DTHD1: variants seen among roughly 807,000 people sequenced by gnomAD.
DTHD1 encodes the protein death domain-containing protein 1.
In DTHD1, 59 loss-of-function variants were observed where a neutral mutation model predicts 74.8. That is an observed-to-expected ratio of 0.79 (90% CI 0.64 to 0.98). DTHD1 has a LOEUF of 0.98. DTHD1 is among the 50% of genes least tolerant of loss of function. The probability of loss-of-function intolerance (pLI) is 0.00; values close to 1 mark genes in which losing one functional copy is unlikely to be tolerated. For synonymous variants in DTHD1, 365 were observed against 371.1 expected (o/e 0.98, Z 0.19); for missense variants, 1,051 against 1,065.4 (o/e 0.99, Z 0.19).
At chr4:36,300,750 A>T (rs1162672267) in intron 5 of DTHD1, among the ~76,000 whole-genome samples, 1 of 152,220 alleles carries the variant, frequency 6.6e-6, no homozygotes, top group East Asian at 1.9e-4. Flanking sequence ...CACACATACT[A>T]CATTTTCCTT....
chr4:36,330,426 T>G (rs913392719), intron 8 of DTHD1, among the ~76,000 whole-genome samples: 1 of 152,170 alleles, frequency 6.6e-6, no homozygotes, highest in Non-Finnish European at 1.5e-5. Context: ...AATTTTATCT[T>G]TCTAAATTTG....
At chr4:36,316,598 T>C in intron 8 of DTHD1, 112 bp downstream of exon 8, 2 of 1,124,866 alleles carry the variant, frequency 1.8e-6, no homozygotes, top group South Asian at 1.7e-5. Context: ...AAGGTAAGAA[T>C]AGAGGTAATA....
chr4:36,293,859 A>C (rs1756235350), intron 4 of DTHD1, among the ~76,000 whole-genome samples, 154 bp downstream of exon 4: 1 of 152,180 alleles, frequency 6.6e-6, no homozygotes, highest in African/African-American at 2.4e-5. Context: ...TGATATCAGC[A>C]ATAATGTAAT....
In DTHD1 at chr4:36,313,690, G is replaced by C. The variant is rs6840399; in HGVS notation, c.2096-2552G>C. On this transcript the variant is annotated intron_variant, in intron 7 of 9. Transcript: ENST00000639862. ...CTAGAGGTCTTTAGTTTTAAAAATT[G>C]GTATACATTTTAGGTCTCAATTGAA... 4.4e-3 allele frequency among the ~76,000 whole-genome samples: 670 copies of C among 152,202 alleles called. 2 individuals carry two copies. The highest frequency in any genetic ancestry group is 0.016 in the African/African-American group (649 of 41,524).
In DTHD1 at chr4:36,346,741, A is replaced by G. The variant is rs1759607582; in HGVS notation, c.*2917A>G. ...CAGACAGGAGGAAGGAGAGTGAATT[A>G]TACCATTCCCCTTTTCCTCCCTGTG... On this transcript the variant is annotated 3_prime_UTR_variant, in exon 10 of 10. Transcript: ENST00000639862. Among the ~76,000 whole-genome samples the G allele has an allele frequency of 1.3e-5, 2 of 152,072 alleles. No individual in the cohort carries two copies. Among genetic ancestry groups the G allele is most frequent in the Admixed American group, 6.6e-5 (1 of 15,264 alleles).
Position 36,284,306 on chromosome 4 carries a change from T to C in DTHD1, c.602T>C (p.Val201Ala), listed in dbSNP as rs1755573220. The C allele has an allele frequency of 9.1e-6, 14 of 1,537,016 alleles. No individual in the cohort carries two copies. Among genetic ancestry groups the C allele is most frequent in the Non-Finnish European group, 1.2e-5 (14 of 1,146,862 alleles). ...KENNTSLNGR[V>A]LGQEESQNKM... ...AACAATACATCACTGAATGGACGTG[T>C]ACTGGGGCAAGAAGAGTCACAGAAT... is the stretch of plus-strand genomic sequence containing the variant. Residue 201 changes from valine (V) to alanine (A), a missense_variant, in exon 2 of 10, where the codon GTA (valine) becomes GCA (alanine). Transcript: ENST00000639862.
Position 36,339,120 on chromosome 4 carries a change from A to G in DTHD1, c.2349A>G (p.Lys783=), listed in dbSNP as rs559257913. The change falls in exon 9 of 10, where the codon AAA becomes AAG. Residue 783 remains lysine (K), a synonymous_variant. Coordinates refer to ENST00000639862, the MANE Select transcript of DTHD1 (RefSeq NM_001170700.3). ...KLPLKLPKHK[K]LINRPQSTKR... is the part of the protein sequence containing the mutation. The stretch of plus-strand genomic sequence containing the variant: ...TTCCTTTCCCCCAATAGCATAAGAA[A>G]TTAATCAACCGTCCACAGAGTACCA... The G allele has an allele frequency of 1.4e-5, 22 of 1,547,608 alleles. No homozygotes were observed. The Admixed American group carries it at 4.3e-4, about 31-fold the overall frequency.
chr4:36,326,822 CTG>C (rs1441335358), intron 8 of DTHD1, among the ~76,000 whole-genome samples: 1 of 152,212 alleles, frequency 6.6e-6, no homozygotes, highest in Non-Finnish European at 1.5e-5. Flanking sequence ...ATTTCACACA[CTG>C]TGGCAAGACC....
chr4:36,301,798 CTT>C (rs10718142), intron 5 of DTHD1, among the ~76,000 whole-genome samples: 40 of 149,684 alleles, frequency 2.7e-4, no homozygotes, highest in African/African-American at 7.1e-4. Context: ...TCATCACTCC[CTT>C]TTTTTTTTTC....
intron 8 of DTHD1, among the ~76,000 whole-genome samples, chr4:36,331,482 C>T (rs1156287845): frequency 6.6e-6 from 1 of 152,122 alleles, no homozygotes; most frequent in Non-Finnish European, 1.5e-5. Context: ...TAAAGATACA[C>T]AGAAAAATAC....
In DTHD1 at chr4:36,342,918, CAAAAAAAAA is replaced by C. The variant is rs55956868; in HGVS notation, c.2399-571_2399-563del. 1.1e-3 allele frequency among the ~76,000 whole-genome samples: 108 copies of C among 96,982 alleles called. No homozygotes were observed. The East Asian group carries it at 0.019, about 17-fold the overall frequency. 63.6% of individuals were successfully genotyped at this position (96,982 alleles called of 152,430 possible). ...TGAAACCCCGTCTCTACTAAAAATA[CAAAAAAAAA>C]AAAAAAAAAAAATCCCATCGTGTGG... On this transcript the variant is annotated intron_variant, in intron 9 of 9. Coordinates refer to ENST00000639862, the MANE Select transcript of DTHD1 (RefSeq NM_001170700.3).
intron 8 of DTHD1, among the ~76,000 whole-genome samples, chr4:36,319,213 G>A (rs542557955): frequency 6.6e-6 from 1 of 152,266 alleles, no homozygotes; most frequent in South Asian, 2.1e-4. Context: ...GAAGGACCCT[G>A]TCTATTCTAT....
chr4:36,308,299 G>C lies in DTHD1; in HGVS notation c.1901G>C (p.Cys634Ser). The C allele has an allele frequency of 1.9e-6, 3 of 1,552,022 alleles. No individual in the cohort carries two copies. The highest frequency in any genetic ancestry group is 1.7e-6 in the Non-Finnish European group (2 of 1,147,050). ...LEEAMLSTTACIVLSHQKDNP... is the reference protein window; with the variant it reads ...LEEAMLSTTASIVLSHQKDNP... ...GAAGCCATGCTCAGCACCACTGCCT[G>C]CATAGTACTGTCTCACCAGAAGGAC... The change falls in exon 7 of 10, where the codon TGC becomes TCC. Residue 634 changes from cysteine (C) to serine (S), a missense_variant. Cys to Ser is a moderately radical substitution (Grantham distance 112). Coordinates refer to ENST00000639862, the MANE Select transcript of DTHD1 (RefSeq NM_001170700.3).
At chr4:36,318,713 G>C (rs796874433) in intron 8 of DTHD1, among the ~76,000 whole-genome samples, 240 of 141,508 alleles carry the variant, frequency 1.7e-3, no homozygotes, top group Middle Eastern at 7.7e-3. Context: ...CTCCTGGGTT[G>C]ACGCCATTCT....
chr4:36,296,532 A>G (rs780476869), intron 5 of DTHD1, among the ~76,000 whole-genome samples: 16 of 152,310 alleles, frequency 1.1e-4, no homozygotes, highest in Non-Finnish European at 1.9e-4. Flanking sequence ...GTCTACTTTT[A>G]AGAGCGAGTG....
intron 6 of DTHD1, among the ~76,000 whole-genome samples, chr4:36,307,947 C>A (rs147169897): frequency 6.6e-6 from 1 of 152,114 alleles, no homozygotes; most frequent in Admixed American, 6.5e-5. Context: ...TGGGCTCAAG[C>A]GATCCACCCT....
At chr4:36,300,562 T>C (rs1008520638) in intron 5 of DTHD1, among the ~76,000 whole-genome samples, 5 of 150,896 alleles carry the variant, frequency 3.3e-5, no homozygotes, top group African/African-American at 1.2e-4. Flanking sequence ...AAAAAATTCT[T>C]TTAAAAGTAT....
chr4:36,341,778 T>G (rs1228283589), intron 9 of DTHD1, among the ~76,000 whole-genome samples: 1 of 152,136 alleles, frequency 6.6e-6, no homozygotes, highest in South Asian at 2.1e-4. Flanking sequence ...TTGATGTGCA[T>G]AGTTGATCAC....
chr4:36,293,117 G>A (rs1756179540), intron 3 of DTHD1, among the ~76,000 whole-genome samples: 1 of 152,154 alleles, frequency 6.6e-6, no homozygotes, highest in South Asian at 2.1e-4. Flanking sequence ...ACAAATAATG[G>A]AATTCCAGTC....
Sources: gnomAD v4.1 joint callset for allele counts (sites outside exome capture counted in the v4.1 genomes callset) on GRCh38, gnomAD v4.1.1 for gene constraint, MANE v1.5 for transcripts, NCBI Gene and HGNC (gene_info 2026-07-23, HGNC 2026-07-21) for gene names.